Variants in COP1 observed in about 807,000 individuals in gnomAD.
COP1 encodes the protein E3 ubiquitin-protein ligase COP1.
A neutral mutation model predicts 101.3 loss-of-function variants in COP1; 24 were observed. That is an observed-to-expected ratio of 0.24 (90% confidence interval 0.17 to 0.33). COP1 has a LOEUF of 0.33. Ranked by LOEUF, COP1 falls within the 10% of genes least tolerant of loss-of-function variation. The probability of loss-of-function intolerance (pLI) is 1.00; values close to 1 mark genes in which losing one functional copy is unlikely to be tolerated. For synonymous variants in COP1, 347 were observed against 341.9 expected (o/e 1.01, Z -0.17); for missense variants, 663 against 906.2 (o/e 0.73, Z 3.45).
intron 8 of COP1, among the ~76,000 whole-genome samples, chr1:176,119,164 C>T (rs1202619305): frequency 6.6e-6 from 1 of 152,172 alleles, no homozygotes; most frequent in Non-Finnish European, 1.5e-5. Context: ...ATGCTATTTT[C>T]AGTTTACTCC....
chr1:176,008,217 G>A (rs1393551776), intron 15 of COP1, among the ~76,000 whole-genome samples: 1 of 152,148 alleles, frequency 6.6e-6, no homozygotes, highest in Non-Finnish European at 1.5e-5. Flanking sequence ...CACGGTGCAC[G>A]CACCCACTGA....
intron 1 of COP1, among the ~76,000 whole-genome samples, chr1:176,200,810 G>A (rs973146199): frequency 1.1e-4 from 16 of 152,096 alleles, no homozygotes; most frequent in African/African-American, 3.6e-4. Context: ...GTAAGGTGGA[G>A]GGCAAAGACA....
At chr1:176,088,021 A>G (rs571168243) in intron 9 of COP1, among the ~76,000 whole-genome samples, 113 of 152,230 alleles carry the variant, frequency 7.4e-4, no homozygotes, top group African/African-American at 2.3e-3. Flanking sequence ...ACCAAACACC[A>G]TATGTTCTCA....
rs370845246 is a variant in COP1, at chr1:176,004,961, A to G, written c.1730-15482T>C. The stretch of plus-strand genomic sequence containing the variant: ...CCTCCTTGTACCTCTGGTAGAATTC[A>G]GCTGTGAATCCATCTGGTCCTGGAC... On this transcript the variant is annotated intron_variant, in intron 15 of 19. Transcript: ENST00000367669. Among the ~76,000 whole-genome samples the G allele has an allele frequency of 5.3e-3, 802 of 151,494 alleles. 6 individuals carry two copies. The highest frequency in any genetic ancestry group is 0.028 in the South Asian group (134 of 4,724).
chr1:175,987,956 T>C (rs1226968391), intron 17 of COP1, among the ~76,000 whole-genome samples: 3 of 152,126 alleles, frequency 2.0e-5, no homozygotes, highest in African/African-American at 7.2e-5. Flanking sequence ...GTCTCCAAAA[T>C]TGGAAATATT....
intron 9 of COP1, among the ~76,000 whole-genome samples, chr1:176,089,129 C>T (rs555295647): frequency 2.0e-4 from 30 of 151,842 alleles, no homozygotes; most frequent in African/African-American, 2.9e-4. Flanking sequence ...GGTGAAACCC[C>T]GTCTCTACTA....
At chr1:175,996,231 T>A (rs151263930) in intron 15 of COP1, among the ~76,000 whole-genome samples, 150,330 of 152,294 alleles carry the variant, frequency 0.99, 74,235 homozygotes, top group East Asian at 1. Context: ...TAAATTAGGT[T>A]TTGATGGGAT....
chr1:176,114,777 G>A (rs564206410), intron 9 of COP1, among the ~76,000 whole-genome samples: 114 of 151,928 alleles, frequency 7.5e-4, no homozygotes, highest in Admixed American at 2.5e-3. Flanking sequence ...TTGTAGAGGC[G>A]GGGTCTCACC....
chr1:176,205,813 A>G (rs901633640), intron 1 of COP1, among the ~76,000 whole-genome samples: 12 of 152,232 alleles, frequency 7.9e-5, no homozygotes, highest in African/African-American at 2.9e-4. Flanking sequence ...AGCATTTCTC[A>G]AGTCAGAAGT....
intron 11 of COP1, among the ~76,000 whole-genome samples, chr1:176,047,670 C>T (rs913572439): frequency 6.6e-6 from 1 of 152,142 alleles, no homozygotes; most frequent in Non-Finnish European, 1.5e-5. Flanking sequence ...CACCTACATA[C>T]AAAAATACAA....
chr1:176,107,567 AC>A (rs1684527551), intron 9 of COP1, among the ~76,000 whole-genome samples: 2 of 152,210 alleles, frequency 1.3e-5, no homozygotes, highest in African/African-American at 4.8e-5. Context: ...AACAATATAA[AC>A]ATACAAAGAG....
chr1:176,051,112 C>T (rs1672481354), intron 11 of COP1, among the ~76,000 whole-genome samples: 1 of 152,050 alleles, frequency 6.6e-6, no homozygotes. Flanking sequence ...GAAGAGATTA[C>T]AGACAATATA....
chr1:176,205,335 T>C (rs976209579), intron 1 of COP1, among the ~76,000 whole-genome samples: 2 of 152,220 alleles, frequency 1.3e-5, no homozygotes, highest in Non-Finnish European at 2.9e-5. Flanking sequence ...AGATTAATTC[T>C]GATAAAGAAT....
At chr1:176,039,016 AAT>A (rs1374586121) in intron 14 of COP1, among the ~76,000 whole-genome samples, 1 of 152,196 alleles carries the variant, frequency 6.6e-6, no homozygotes, top group Non-Finnish European at 1.5e-5. Flanking sequence ...CTAACAGTAG[AAT>A]ACACATTATT....
chr1:175,987,253 C>A (rs549347400), intron 17 of COP1, 150 bp from the exon 18 acceptor site: 1 of 462,882 alleles, frequency 2.2e-6, no homozygotes, highest in East Asian at 3.3e-5. Flanking sequence ...AATTAGAAAT[C>A]ATGTAAGAAA....
At chr1:176,030,391 G>A (rs547145238) in intron 14 of COP1, among the ~76,000 whole-genome samples, 1 of 152,098 alleles carries the variant, frequency 6.6e-6, no homozygotes, top group East Asian at 1.9e-4. Context: ...GATAAGTATG[G>A]AGCACTTACT....
At chr1:176,037,294 C>T (rs1396070949) in intron 14 of COP1, among the ~76,000 whole-genome samples, 1 of 151,842 alleles carries the variant, frequency 6.6e-6, no homozygotes, top group East Asian at 1.9e-4. Context: ...GTAGTCCCAG[C>T]TACTCGGGAT....
At chr1:176,004,860 G>C (rs921387175) in intron 15 of COP1, among the ~76,000 whole-genome samples, 13 of 151,622 alleles carry the variant, frequency 8.6e-5, no homozygotes, top group Non-Finnish European at 1.5e-4. Flanking sequence ...CATGATGCTG[G>C]CCTCATAAAA....
intron 11 of COP1, among the ~76,000 whole-genome samples, chr1:176,051,491 A>G (rs1369969958): frequency 6.6e-6 from 1 of 152,242 alleles, no homozygotes; most frequent in Non-Finnish European, 1.5e-5. Flanking sequence ...TGTACAGTAC[A>G]TATACTTGAA....
Sources: allele counts gnomAD v4.1 joint callset (sites outside exome capture counted in the v4.1 genomes callset), GRCh38; gene constraint gnomAD v4.1.1; transcripts MANE v1.5; gene names NCBI Gene and HGNC (gene_info 2026-07-23, HGNC 2026-07-21).